PLCG2: variants seen among roughly 807,000 people sequenced by gnomAD.
PLCG2 encodes 1-phosphatidylinositol 4,5-bisphosphate phosphodiesterase gamma-2.
In PLCG2, 69 loss-of-function variants were observed where a neutral mutation model predicts 175.6. The ratio of observed to expected loss-of-function variants is 0.39; its 90% CI spans 0.32 to 0.48. The LOEUF is 0.48. PLCG2 is among the 20% of genes least tolerant of loss of function. PLCG2 has a pLI of 0.91. For synonymous variants in PLCG2, 827 were observed against 624.0 expected (o/e 1.33, Z -4.85); for missense variants, 1,798 against 1,650.9 (o/e 1.09, Z -1.54).
intron 2 of PLCG2, among the ~76,000 whole-genome samples, chr16:81,813,773 G>A (rs1250682129): frequency 1.3e-5 from 2 of 152,160 alleles, no homozygotes; most frequent in Admixed American, 1.3e-4. Context: ...GTCTCTCCCT[G>A]TTCTGTGGCT....
At chr16:81,858,076 C>G (rs1428651187) in intron 3 of PLCG2, 187 bp from the exon 4 acceptor site, 34 of 558,184 alleles carry the variant, frequency 6.1e-5, no homozygotes, top group Non-Finnish European at 1.0e-4. Context: ...ATGTGTGGCC[C>G]CATCTCAGAC....
intron 2 of PLCG2, among the ~76,000 whole-genome samples, chr16:81,838,778 A>AATAT (rs10549962): frequency 0.041 from 5,764 of 141,418 alleles, 132 homozygotes; most frequent in Middle Eastern, 0.058. Flanking sequence ...AGTAAAATTA[A>AATAT]ATATATATAT....
chr16:81,946,304 C>A (rs1911147135), intron 31 of PLCG2, 41 bp downstream of exon 31: 1 of 1,446,436 alleles, frequency 6.9e-7, no homozygotes, highest in Non-Finnish European at 9.7e-7. Flanking sequence ...CTGAGCTATG[C>A]CTGCTGGTGA....
upstream of PLCG2, among the ~76,000 whole-genome samples, chr16:81,778,175 A>T (rs1254684745): frequency 6.6e-6 from 1 of 152,150 alleles, no homozygotes; most frequent in Non-Finnish European, 1.5e-5. Flanking sequence ...CAGGAGTTCA[A>T]GAACAGCCTG....
At chr16:81,840,733 G>A (rs1001415581) in intron 2 of PLCG2, among the ~76,000 whole-genome samples, 9 of 152,170 alleles carry the variant, frequency 5.9e-5, no homozygotes, top group South Asian at 2.1e-4. Flanking sequence ...TGTGCGGCTC[G>A]ATTCCTAACG....
intron 1 of PLCG2, among the ~76,000 whole-genome samples, chr16:81,751,639 G>A (rs145264426): frequency 6.6e-6 from 1 of 152,164 alleles, no homozygotes; most frequent in Non-Finnish European, 1.5e-5. Context: ...TCACAAAAAA[G>A]TTAAGTGTTT....
At chr16:81,824,692 C>T (rs570299522) in intron 2 of PLCG2, among the ~76,000 whole-genome samples, 14 of 152,332 alleles carry the variant, frequency 9.2e-5, no homozygotes, top group Non-Finnish European at 1.5e-4. Context: ...GGGATCCTCT[C>T]GTAGCTGCCA....
chr16:81,845,355 A>G (rs1162037613), intron 2 of PLCG2, among the ~76,000 whole-genome samples: 1 of 152,128 alleles, frequency 6.6e-6, no homozygotes, highest in Non-Finnish European at 1.5e-5. Flanking sequence ...GCCAGGTACT[A>G]TTTTAATTGA....
At chr16:81,770,875 G>A (rs1303990380) in intron 2 of PLCG2, among the ~76,000 whole-genome samples, 1 of 151,804 alleles carries the variant, frequency 6.6e-6, no homozygotes, top group Non-Finnish European at 1.5e-5. Flanking sequence ...TGGCTAACAC[G>A]GTGAAATCCC....
intron 1 of PLCG2, among the ~76,000 whole-genome samples, chr16:81,781,892 G>T (rs9674362): frequency 7.9e-6 from 1 of 126,668 alleles, no homozygotes; most frequent in African/African-American, 3.0e-5. Flanking sequence ...CCGCCCCCGA[G>T]ACGGAGTCTT....
intron 30 of PLCG2, among the ~76,000 whole-genome samples, chr16:81,944,484 C>G (rs1487664561): frequency 6.6e-6 from 1 of 152,090 alleles, no homozygotes; most frequent in African/African-American, 2.4e-5. Context: ...TATTTAGAGA[C>G]AAGGTCTTCC....
At position 81,960,419 on chromosome 16, in the gene PLCG2, G is replaced by A. The variant is rs1210974633; in HGVS notation, c.*2421G>A. 4.4e-6 allele frequency: 1 copy of A among 225,946 alleles called. No homozygotes were observed. The allele number at this position is 225,946 out of a possible 1,614,324, so 14.0% of individuals were successfully genotyped here. A position where few individuals can be genotyped will look rare whatever the true frequency, so the allele number is the denominator to read the frequency against. On this transcript the variant is annotated 3_prime_UTR_variant, in exon 33 of 33. Transcript: ENST00000564138. Reference sequence around the variant, plus strand: ...ATAGATCAAAACCACCACTGCATATGTATTACACTGTTTTTGTTCACCATT... The same window carrying A: ...ATAGATCAAAACCACCACTGCATATATATTACACTGTTTTTGTTCACCATT...
At chr16:81,845,296 A>G (rs1033314554) in intron 2 of PLCG2, among the ~76,000 whole-genome samples, 1 of 152,206 alleles carries the variant, frequency 6.6e-6, no homozygotes, top group Non-Finnish European at 1.5e-5. Flanking sequence ...GCTAACAAGT[A>G]CAGAGAAGCT....
rs55645129 is a variant in PLCG2 at position 81,912,583 on chromosome 16, G to A, written c.1935-14G>A. ...ACCGCTCACCTGGTCGTTTTCCCTG[G>A]CCCTGTGCCGCAGGTGGTACTATGA... On this transcript the variant is annotated splice_polypyrimidine_tract_variant and intron_variant, in intron 18 of 32. Coordinates refer to ENST00000564138, the MANE Select transcript of PLCG2 (RefSeq NM_002661.5). The A allele has an allele frequency of 7.4e-6, 12 of 1,612,176 alleles. No homozygotes were observed. The East Asian group carries it at 2.0e-4, about 27-fold the overall frequency.
chr16:81,951,722 A>G (rs1168270253), intron 31 of PLCG2, among the ~76,000 whole-genome samples: 1 of 152,242 alleles, frequency 6.6e-6, no homozygotes, highest in Non-Finnish European at 1.5e-5. Context: ...GAAGAGCAAT[A>G]TATTACAACT....
chr16:81,934,769 G>C (rs1244915801), intron 26 of PLCG2, among the ~76,000 whole-genome samples: 1 of 152,020 alleles, frequency 6.6e-6, no homozygotes, highest in Non-Finnish European at 1.5e-5. Flanking sequence ...TAATTTATAA[G>C]GAAAAAGAGG....
chr16:81,797,170 A>G (rs1911507470), intron 2 of PLCG2, among the ~76,000 whole-genome samples: 1 of 152,162 alleles, frequency 6.6e-6, no homozygotes, highest in South Asian at 2.1e-4. Context: ...AGTTCTGGGA[A>G]TGCAGGTATA....
chr16:81,798,357 T>C (rs759378184), intron 2 of PLCG2: 1 of 151,946 alleles, frequency 6.6e-6, no homozygotes, highest in Non-Finnish European at 1.5e-5. Flanking sequence ...GTGTAGGGGG[T>C]GTCCTCCTCC....
At chr16:81,751,808 G>A (rs1158863994) in intron 1 of PLCG2, among the ~76,000 whole-genome samples, 1 of 152,060 alleles carries the variant, frequency 6.6e-6, no homozygotes, top group Non-Finnish European at 1.5e-5. Flanking sequence ...GATCACCTGA[G>A]GTCAGGAGTT....
Sources: gnomAD v4.1 joint callset for allele counts (sites outside exome capture counted in the v4.1 genomes callset) on GRCh38, gnomAD v4.1.1 for gene constraint, MANE v1.5 for transcripts, NCBI Gene and HGNC (gene_info 2026-07-23, HGNC 2026-07-21) for gene names.